Variants in SMYD4 observed in about 807,000 individuals in gnomAD.
SMYD4 encodes the protein protein-lysine N-methyltransferase SMYD4.
In SMYD4, 68 loss-of-function variants were observed where a neutral mutation model predicts 72.8. The ratio of observed to expected loss-of-function variants is 0.93; its 90% CI spans 0.77 to 1.14. The LOEUF is 1.14. Among genes scored for constraint, SMYD4 ranks in the 50% most tolerant of loss-of-function variants. The pLI is 0.00. For synonymous variants in SMYD4, 407 were observed against 388.6 expected (o/e 1.05, Z -0.56); for missense variants, 984 against 1,003.7 (o/e 0.98, Z 0.27).
intron 4 of SMYD4, among the ~76,000 whole-genome samples, chr17:1,801,705 G>A (rs899707824): frequency 6.6e-6 from 1 of 150,410 alleles, no homozygotes; most frequent in South Asian, 2.1e-4. Context: ...GGCCGGGTGC[G>A]GTGGCTCATG....
intron 3 of SMYD4, 147 bp from the exon 4 acceptor site, chr17:1,804,862 T>A: frequency 1.4e-6 from 1 of 706,122 alleles, no homozygotes; most frequent in Non-Finnish European, 2.3e-6. Flanking sequence ...ATCTTTTAAC[T>A]ACCTGAGAGC....
chr17:1,789,501 C>T (rs573578357), intron 5 of SMYD4, among the ~76,000 whole-genome samples: 3 of 151,058 alleles, frequency 2.0e-5, no homozygotes, highest in Non-Finnish European at 3.0e-5. Context: ...CAGAGGCTCA[C>T]GCCTGTAATC....
At chr17:1,793,219 T>C (rs922927795) in intron 5 of SMYD4, among the ~76,000 whole-genome samples, 6 of 152,070 alleles carry the variant, frequency 3.9e-5, no homozygotes, top group Non-Finnish European at 8.8e-5. Context: ...GCCTGGCCGC[T>C]ATGCATATTT....
chr17:1,822,672 C>T (rs996042552), intron 2 of SMYD4, among the ~76,000 whole-genome samples: 1 of 152,022 alleles, frequency 6.6e-6, no homozygotes, highest in African/African-American at 2.4e-5. Flanking sequence ...ACCACGTTGC[C>T]CAGGCTGGTC....
In SMYD4 at chr17:1,800,911, C is replaced by T; in HGVS notation, c.483G>A (p.Glu161=). 6 of 1,614,186 alleles carry T rather than the reference C, an allele frequency of 3.7e-6. No individual in the cohort carries two copies. Among genetic ancestry groups the T allele is most frequent in the Non-Finnish European group, 5.1e-6 (6 of 1,180,036 alleles). ...ECLVALGRLQ[E]ASQTISDLER... ...CAAGATCACTGATGGTCTGGCTTGC[C>T]TCCTGCAGTCTCCCCAGGGCCACCA... The change falls in exon 5 of 11, where the codon GAG becomes GAA. Residue 161 remains glutamate, a synonymous_variant. Coordinates refer to ENST00000305513, the MANE Select transcript of SMYD4 (RefSeq NM_052928.3).
chr17:1,798,359 C>CG (rs1567773594), intron 5 of SMYD4, among the ~76,000 whole-genome samples: 1 of 152,102 alleles, frequency 6.6e-6, no homozygotes, highest in Non-Finnish European at 1.5e-5. Flanking sequence ...TGACCCACCC[C>CG]GGCCTCCCAA....
intron 6 of SMYD4, 140 bp downstream of exon 6, chr17:1,787,282 T>G: frequency 1.8e-6 from 2 of 1,124,028 alleles, no homozygotes; most frequent in Non-Finnish European, 2.6e-6. Context: ...CCTTCCTTGT[T>G]TTTGGCCTAA....
chr17:1,800,760 G>C lies in SMYD4; in HGVS notation c.634C>G (p.Leu212Val), dbSNP rs1357656848. ...DSLTESFPAA[L>V]AKTLEDAALR... ...GCTGCATCCTCAAGGGTTTTGGCCA[G>C]AGCTGCTGGGAAGCTTTCTGTGAGA... The change falls in exon 5 of 11, where the codon CTG (leucine) becomes GTG (valine). Residue 212 changes from leucine (L) to valine (V), a missense_variant. Physicochemically the swap from Leu to Val is conservative, Grantham distance 32. Coordinates refer to ENST00000305513, the MANE Select transcript of SMYD4 (RefSeq NM_052928.3). 1 of 1,614,232 alleles carries C rather than the reference G, an allele frequency of 6.2e-7. No individual in the cohort carries two copies. Among genetic ancestry groups the C allele is most frequent in the East Asian group, 2.2e-5 (1 of 44,890 alleles).
chr17:1,820,699 GATT>G (rs1360786228), intron 2 of SMYD4, among the ~76,000 whole-genome samples: 3 of 152,218 alleles, frequency 2.0e-5, no homozygotes, highest in Non-Finnish European at 4.4e-5. Flanking sequence ...CACTCTGGGA[GATT>G]ATTAATTGCA....
intron 2 of SMYD4, among the ~76,000 whole-genome samples, chr17:1,822,512 T>C (rs940385472): frequency 6.6e-6 from 1 of 152,228 alleles, no homozygotes; most frequent in Non-Finnish European, 1.5e-5. Context: ...CTACATTATA[T>C]AAGCTATTTC....
At chr17:1,823,319 A>G (rs1597399250) in intron 2 of SMYD4, among the ~76,000 whole-genome samples, 1 of 144,920 alleles carries the variant, frequency 6.9e-6, no homozygotes, top group East Asian at 2.1e-4. Context: ...GCATGAACCC[A>G]GGAGGCAGAG....
chr17:1,795,404 G>A (rs946952983), intron 5 of SMYD4, among the ~76,000 whole-genome samples: 2 of 107,144 alleles, frequency 1.9e-5, no homozygotes, highest in African/African-American at 3.7e-5. Context: ...CACGATCTCA[G>A]CTCTATCTAT....
intron 3 of SMYD4, among the ~76,000 whole-genome samples, chr17:1,808,883 A>C (rs541004869): frequency 2.6e-5 from 4 of 152,300 alleles, no homozygotes; most frequent in African/African-American, 9.6e-5. Context: ...TATTTAGCTA[A>C]ATACTTTATT....
At chr17:1,805,091 T>C (rs1347643452) in intron 3 of SMYD4, among the ~76,000 whole-genome samples, 2 of 152,092 alleles carry the variant, frequency 1.3e-5, no homozygotes, top group Admixed American at 6.6e-5. Context: ...AATTCACATA[T>C]GGATAGCCAA....
chr17:1,785,339 T>C lies in SMYD4; in HGVS notation c.1885-878A>G, dbSNP rs181248874. On this transcript the variant is annotated intron_variant, in intron 7 of 10. Coordinates refer to ENST00000305513, the MANE Select transcript of SMYD4 (RefSeq NM_052928.3). ...TACTCGGGAGGCTGAGGCAGGAGAATGGCGTGAACCCGGGAGGTGGAGCTT... is the reference window on the plus strand; with the variant it reads ...TACTCGGGAGGCTGAGGCAGGAGAACGGCGTGAACCCGGGAGGTGGAGCTT... Among the ~76,000 whole-genome samples the C allele has an allele frequency of 1.9e-3, 269 of 144,268 alleles. 2 individuals are homozygous for C. The highest frequency in any genetic ancestry group is 2.9e-3 in the South Asian group (13 of 4,560). 94.6% of individuals were successfully genotyped at this position (144,268 alleles called of 152,430 possible).
intron 7 of SMYD4, 80 bp downstream of exon 7, chr17:1,786,730 G>T: frequency 6.4e-7 from 1 of 1,559,654 alleles, no homozygotes; most frequent in African/African-American, 1.4e-5. Context: ...GTCCCTGATG[G>T]CTTCCTCCTA....
Position 1,800,533 on chromosome 17 carries a change from G to C in SMYD4, c.861C>G (p.Thr287=). ...PHHGLDSKWD[T]RVTNGDLYCH... is the part of the protein sequence containing the mutation. ...AATAGAGGTCCCCATTGGTGACTCTGGTGTCCCATTTGCTGTCTAGGCCGT... is the reference window on the plus strand; with the variant it reads ...AATAGAGGTCCCCATTGGTGACTCTCGTGTCCCATTTGCTGTCTAGGCCGT... Residue 287 remains threonine (T), a synonymous_variant, in exon 5 of 11, where the codon ACC becomes ACG. Transcript: ENST00000305513. The C allele has an allele frequency of 6.2e-7, 1 of 1,614,178 alleles. No homozygotes were observed. Among genetic ancestry groups the C allele is most frequent in the Non-Finnish European group, 8.5e-7 (1 of 1,180,030 alleles).
rs1911288784 is a variant in SMYD4, at chr17:1,827,996, C to T, written c.-2G>A. ...CCATTCATCCACAGGCAGATCCATG[C>T]TGCTTTTGATCTATAAAATGAGTAA... On this transcript the variant is annotated 5_prime_UTR_variant, in exon 2 of 11. Transcript: ENST00000305513. 3.1e-6 allele frequency: 5 copies of T among 1,606,748 alleles called. No homozygotes were observed. The highest frequency in any genetic ancestry group is 4.3e-6 in the Non-Finnish European group (5 of 1,174,158).
rs79308180 is a variant in SMYD4 at position 1,783,270 on chromosome 17, G to C, written c.2137+90C>G. On this transcript the variant is annotated intron_variant, in intron 9 of 10. Transcript: ENST00000305513. ...GGGGAGCACCCTCAGTTTACAGAGC[G>C]GGGGGTAACCAGGCAGACAAGGCCG... The C allele has an allele frequency of 1.5e-3, 2,433 of 1,609,084 alleles. 36 individuals carry two copies. The East Asian group carries it at 0.043, about 29-fold the overall frequency.
Sources: allele counts gnomAD v4.1 joint callset (sites outside exome capture counted in the v4.1 genomes callset), GRCh38; gene constraint gnomAD v4.1.1; transcripts MANE v1.5; gene names NCBI Gene and HGNC (gene_info 2026-07-23, HGNC 2026-07-21).